The following DNAJC16 variants were observed in gnomAD, a reference collection of about 807,000 sequenced individuals.
DNAJC16 encodes DnaJ heat shock protein family (Hsp40) member C16, also known as dnaJ homolog subfamily C member 16.
A neutral mutation model predicts 92.7 loss-of-function variants in DNAJC16; 76 were observed. The observed-to-expected ratio is 0.82, with a 90% CI of 0.68 to 0.99. DNAJC16 has a LOEUF of 0.99. Ranked by LOEUF, DNAJC16 falls within the 50% of genes least tolerant of loss-of-function variation. The pLI, the probability that DNAJC16 is intolerant of heterozygous loss-of-function variation, is 0.00. For missense variants in DNAJC16, 869 were observed against 942.4 expected, an observed-to-expected ratio of 0.92 and a Z score of 1.02; for synonymous variants, 328 against 358.7, an observed-to-expected ratio of 0.91 and a Z score of 0.97.
chr1:15,549,152 G>A (rs1638382691), intron 7 of DNAJC16, among the ~76,000 whole-genome samples: 1 of 152,188 alleles, frequency 6.6e-6, no homozygotes, highest in Admixed American at 6.5e-5. Context: ...TGTGAACACA[G>A]AAGGGTACCT....
chr1:15,567,974 A>G lies in DNAJC16; in HGVS notation c.2146A>G (p.Thr716Ala). The G allele has an allele frequency of 1.2e-6, 2 of 1,614,204 alleles. No homozygotes were observed. The highest frequency in any genetic ancestry group is 1.7e-6 in the Non-Finnish European group (2 of 1,180,032). ...CTTCTGCCTCTTCAAGCCCCAAAAG[A>G]CAGTCGAAGAGGAGGAAGCCATAGG... ...KYFCLFKPQK[T>A]VEEEEAIGSC... The change falls in exon 15 of 15, where the codon ACA (threonine) becomes GCA (alanine). Residue 716 changes from threonine to alanine, a missense_variant. Thr to Ala is a moderately conservative substitution (Grantham distance 58). Coordinates refer to ENST00000375847, the MANE Select transcript of DNAJC16 (RefSeq NM_015291.4).
rs1482289822 is a variant in DNAJC16 at position 15,567,963 on chromosome 1, A to C, written c.2135A>C (p.Lys712Thr). The change falls in exon 15 of 15, where the codon AAG becomes ACG. Residue 712 changes from lysine to threonine, a missense_variant. Physicochemically the swap from Lys to Thr is moderately conservative, Grantham distance 78. Coordinates refer to ENST00000375847, the MANE Select transcript of DNAJC16 (RefSeq NM_015291.4). ...NGHKKYFCLF[K>T]PQKTVEEEEA... ...CACAAGAAATACTTCTGCCTCTTCA[A>C]GCCCCAAAAGACAGTCGAAGAGGAG... 6.2e-7 allele frequency: 1 copy of C among 1,614,114 alleles called. No individual in the cohort carries two copies. Among genetic ancestry groups the C allele is most frequent in the South Asian group, 1.1e-5 (1 of 91,088 alleles).
Position 15,568,596 on chromosome 1 carries a change from G to GC in DNAJC16, c.*422dup. ...GTCATTGGCCCCTTCCCCAATCCCG[G>GC]CCCTGCTGTGCTGCTGCCATGGCGC... is the stretch of plus-strand genomic sequence containing the variant. On this transcript the variant is annotated 3_prime_UTR_variant, in exon 15 of 15. Transcript: ENST00000375847. 2.5e-6 allele frequency: 1 copy of GC among 406,646 alleles called. No homozygotes were observed. The highest frequency in any genetic ancestry group is 4.3e-6 in the Non-Finnish European group (1 of 230,652). 25.2% of individuals were successfully genotyped at this position (406,646 alleles called of 1,614,324 possible). A position where few individuals can be genotyped will look rare whatever the true frequency, so the allele number is the denominator to read the frequency against.
intron 4 of DNAJC16, among the ~76,000 whole-genome samples, chr1:15,539,969 GT>G (rs1710894141): frequency 6.6e-6 from 1 of 151,972 alleles, no homozygotes. Flanking sequence ...GGAGGTTGCA[GT>G]GAGCCAAGAT....
chr1:15,532,179 A>T (rs974590810), intron 2 of DNAJC16, among the ~76,000 whole-genome samples: 3 of 152,218 alleles, frequency 2.0e-5, no homozygotes, highest in Non-Finnish European at 4.4e-5. Context: ...TATGCAATAA[A>T]CTAACAGTAA....
chr1:15,548,880 CTG>C (rs777852823), intron 7 of DNAJC16, among the ~76,000 whole-genome samples: 3 of 152,032 alleles, frequency 2.0e-5, no homozygotes, highest in African/African-American at 4.8e-5. Context: ...AGTTAAAAAA[CTG>C]GGGGAATATT....
intron 4 of DNAJC16, among the ~76,000 whole-genome samples, chr1:15,540,792 A>G (rs1251510967): frequency 2.6e-5 from 4 of 152,186 alleles, no homozygotes; most frequent in East Asian, 1.9e-4. Context: ...TATAACGTAT[A>G]CTGAATGGCA....
intron 6 of DNAJC16, 140 bp downstream of exon 6, chr1:15,547,011 T>C (rs1233822470): frequency 8.6e-6 from 6 of 694,426 alleles, no homozygotes; most frequent in Non-Finnish European, 1.4e-5. Flanking sequence ...CCATGAGAAA[T>C]GTTTGAAGAC....
At chr1:15,546,905 C>CT (rs774836811) in intron 6 of DNAJC16, 34 bp downstream of exon 6, 4 of 1,098,548 alleles carry the variant, frequency 3.6e-6, no homozygotes, top group South Asian at 2.1e-5. Context: ...GTTTCTTTTT[C>CT]TTTTCTTTTC....
intron 4 of DNAJC16, among the ~76,000 whole-genome samples, chr1:15,543,100 A>G (rs1394011577): frequency 4.6e-5 from 7 of 152,238 alleles, no homozygotes; most frequent in African/African-American, 1.7e-4. Context: ...TGTTGGGGAT[A>G]CATCAGTGGA....
At chr1:15,567,509 T>C (rs558563181) in intron 14 of DNAJC16, among the ~76,000 whole-genome samples, 1 of 152,190 alleles carries the variant, frequency 6.6e-6, no homozygotes, top group Admixed American at 6.5e-5. Context: ...CCCTGAGCCC[T>C]TTCAGTTACT....
chr1:15,567,216 T>C lies in DNAJC16; in HGVS notation c.1896T>C (p.Ser632=). 1 of 1,614,186 alleles carries C rather than the reference T, an allele frequency of 6.2e-7. No individual in the cohort carries two copies. Among genetic ancestry groups the C allele is most frequent in the Non-Finnish European group, 8.5e-7 (1 of 1,180,004 alleles). ...ATGTGGTCCTCATCCTGTCGAATTC[T>C]ACCAAGACCAGCCTACTACAGAAAT... ...HMNVVLILSN[S]TKTSLLQKFA... The change falls in exon 14 of 15, where the codon TCT becomes TCC. Residue 632 remains serine, a synonymous_variant. Transcript: ENST00000375847.
rs1710728757 is a variant in DNAJC16 at position 15,534,265 on chromosome 1, G to A, written c.196G>A (p.Ala66Thr). Reference protein sequence around the residue: ...WHPDKNKDPGAEDKFIQISKA... With the variant: ...WHPDKNKDPGTEDKFIQISKA... Reference sequence around the variant, plus strand: ...TCCTGACAAAAACAAAGATCCTGGAGCAGAAGACAAGTTCATTCAAATCAG... The same window carrying A: ...TCCTGACAAAAACAAAGATCCTGGAACAGAAGACAAGTTCATTCAAATCAG... Residue 66 changes from alanine to threonine, a missense_variant, in exon 3 of 15, where the codon GCA becomes ACA. Physicochemically the swap from Ala to Thr is moderately conservative, Grantham distance 58. Coordinates refer to ENST00000375847, the MANE Select transcript of DNAJC16 (RefSeq NM_015291.4). 1.9e-6 allele frequency: 3 copies of A among 1,614,056 alleles called. No homozygotes were observed. Among genetic ancestry groups the A allele is most frequent in the East Asian group, 2.2e-5 (1 of 44,876 alleles).
chr1:15,549,681 G>A (rs1342290407), intron 7 of DNAJC16, among the ~76,000 whole-genome samples: 2 of 152,086 alleles, frequency 1.3e-5, no homozygotes, highest in African/African-American at 4.8e-5. Context: ...GGGCGTGGTG[G>A]TGGGCCCCTG....
At chr1:15,563,256 C>T (rs976594551) in intron 9 of DNAJC16, among the ~76,000 whole-genome samples, 10 of 152,070 alleles carry the variant, frequency 6.6e-5, no homozygotes, top group Non-Finnish European at 1.0e-4. Flanking sequence ...AGGCCGAACG[C>T]GGTGGCTCAC....
chr1:15,536,766 C>T lies in DNAJC16; in HGVS notation c.526C>T (p.His176Tyr), dbSNP rs769958348. The T allele has an allele frequency of 6.2e-7, 1 of 1,612,520 alleles. No homozygotes were observed. The highest frequency in any genetic ancestry group is 8.5e-7 in the Non-Finnish European group (1 of 1,179,566). ...CTCCGATTGGTGCTTTAGCTGCATT[C>T]ATATCGAGCCTGTGTGGAAAGAAGT... ...ITSDWCFSCIHIEPVWKEVIQ... is the reference protein window; with the variant it reads ...ITSDWCFSCIYIEPVWKEVIQ... Residue 176 changes from histidine to tyrosine, a missense_variant, in exon 4 of 15, where the codon CAT (histidine) becomes TAT (tyrosine). By Grantham distance (83) the His-to-Tyr change is moderately conservative (BLOSUM62 2). Coordinates refer to ENST00000375847, the MANE Select transcript of DNAJC16 (RefSeq NM_015291.4).
chr1:15,550,127 A>G (rs34025142), intron 7 of DNAJC16, among the ~76,000 whole-genome samples: 1 of 152,214 alleles, frequency 6.6e-6, no homozygotes, highest in Non-Finnish European at 1.5e-5. Flanking sequence ...CCACCGGCAC[A>G]CAAGACAAGG....
rs1638931730 is a variant in DNAJC16 at position 15,570,798 on chromosome 1, T to C, written c.*2621T>C. ...TTTGTTTACTTTTGCGTCAAACATA[T>C]GAGCCATTGTCATGCTCAGCCTGTG... is the stretch of plus-strand genomic sequence containing the variant. On this transcript the variant is annotated 3_prime_UTR_variant, in exon 15 of 15. Coordinates refer to ENST00000375847, the MANE Select transcript of DNAJC16 (RefSeq NM_015291.4). 1 of 152,256 alleles carries C rather than the reference T, an allele frequency of 6.6e-6. No individual in the cohort carries two copies. Among genetic ancestry groups the C allele is most frequent in the Non-Finnish European group, 1.5e-5 (1 of 68,048 alleles). 9.4% of individuals were successfully genotyped at this position (152,256 alleles called of 1,614,324 possible).
At position 15,570,412 on chromosome 1, in the gene DNAJC16, T is replaced by C. The variant is rs1226236663; in HGVS notation, c.*2235T>C. ...TTTTAATAGAGACGAGGTCTTGCTATGTTGCCCAGGCTGGTCCCAAACTCC... is the reference window on the plus strand; with the variant it reads ...TTTTAATAGAGACGAGGTCTTGCTACGTTGCCCAGGCTGGTCCCAAACTCC... On this transcript the variant is annotated 3_prime_UTR_variant, in exon 15 of 15. Coordinates refer to ENST00000375847, the MANE Select transcript of DNAJC16 (RefSeq NM_015291.4). 2 of 152,244 alleles carry C rather than the reference T, an allele frequency of 1.3e-5. No individual in the cohort carries two copies. Among genetic ancestry groups the C allele is most frequent in the Non-Finnish European group, 2.9e-5 (2 of 68,054 alleles). The allele number at this position is 152,244 out of a possible 1,614,324, so 9.4% of individuals were successfully genotyped here.
Sources: gnomAD v4.1 joint callset for allele counts (sites outside exome capture counted in the v4.1 genomes callset) on GRCh38, gnomAD v4.1.1 for gene constraint, MANE v1.5 for transcripts, NCBI Gene and HGNC (gene_info 2026-07-23, HGNC 2026-07-21) for gene names.